Variants in IL17B observed in about 807,000 individuals in gnomAD.
The protein encoded by IL17B is interleukin-17B.
Under a neutral mutation model 14.7 loss-of-function variants are expected in IL17B, and 14 were observed. That is an observed-to-expected ratio of 0.95 (90% CI 0.63 to 1.49). The LOEUF (loss-of-function observed/expected upper bound fraction) is 1.49, where lower values mean the gene tolerates loss of function less well. Among genes scored for constraint, IL17B ranks in the 40% most tolerant of loss-of-function variants. The probability of loss-of-function intolerance (pLI) is 0.00; values close to 1 mark genes in which losing one functional copy is unlikely to be tolerated. For synonymous variants in IL17B, 105 were observed against 94.8 expected, an observed-to-expected ratio of 1.11 and a Z score of -0.62; for missense variants, 233 against 252.8, an observed-to-expected ratio of 0.92 and a Z score of 0.53.
rs560375487 is a variant in IL17B at position 149,395,339 on chromosome 5, T to C, written n.95+8769A>G. On this transcript the variant is annotated intron_variant and non_coding_transcript_variant, in intron 1 of 2. Coordinates refer to the IL17B transcript ENST00000505432. The stretch of plus-strand genomic sequence containing the variant: ...GCTGCAATGACACTGCAATGACACA[T>C]GCATGTGTCTTTATGGTAGAACTAT... 2.6e-5 allele frequency among the ~76,000 whole-genome samples: 4 copies of C among 152,354 alleles called. No homozygotes were observed. The South Asian group carries it at 6.2e-4, about 24-fold the overall frequency.
chr5:149,378,233 T>C (rs1758597877), intron 1 of IL17B, among the ~76,000 whole-genome samples: 1 of 152,140 alleles, frequency 6.6e-6, no homozygotes, highest in Admixed American at 6.5e-5. Context: ...GCTGGGGAGA[T>C]GGGCAAGTTA....
chr5:149,383,732 G>A (rs1186952844), upstream of IL17B, among the ~76,000 whole-genome samples: 1 of 152,240 alleles, frequency 6.6e-6, no homozygotes, highest in Non-Finnish European at 1.5e-5. Flanking sequence ...GGAAAGGCCT[G>A]GGTGAATGGG....
At chr5:149,375,626 C>T (rs1758508847) in intron 2 of IL17B, among the ~76,000 whole-genome samples, 1 of 152,322 alleles carries the variant, frequency 6.6e-6, no homozygotes, top group African/African-American at 2.4e-5. Flanking sequence ...GTGGCTTACG[C>T]CTGTAATCTC....
At chr5:149,396,984 G>T (rs13356431) in intron 1 of IL17B, among the ~76,000 whole-genome samples, 2 of 151,782 alleles carry the variant, frequency 1.3e-5, no homozygotes, top group African/African-American at 4.8e-5. Context: ...GGCAGGAGAG[G>T]GTTCTTGTAT....
upstream of IL17B, chr5:149,379,351 AGTGG>A (rs1758627455): frequency 8.8e-7 from 1 of 1,136,448 alleles, no homozygotes; most frequent in Non-Finnish European, 1.3e-6. Flanking sequence ...TGGGGGAGTG[AGTGG>A]GTGGGCTCGT....
chr5:149,398,535 G>A (rs1759142495), intron 1 of IL17B, among the ~76,000 whole-genome samples: 2 of 152,196 alleles, frequency 1.3e-5, no homozygotes, highest in Admixed American at 1.3e-4. Context: ...GACCCAGGCA[G>A]CACAATTCTT....
chr5:149,381,608 A>G (rs1466159262), upstream of IL17B, among the ~76,000 whole-genome samples: 1 of 152,220 alleles, frequency 6.6e-6, no homozygotes, highest in Non-Finnish European at 1.5e-5. Context: ...TGGGGGCCCC[A>G]GATCCTTCAC....
rs571356017 is a variant in IL17B at position 149,386,825 on chromosome 5, C to T, written n.96-9800G>A. 1.2e-4 allele frequency among the ~76,000 whole-genome samples: 18 copies of T among 152,268 alleles called. No homozygotes were observed. In the South Asian group the frequency reaches 3.1e-3, roughly 26 times the overall value. On this transcript the variant is annotated intron_variant and non_coding_transcript_variant, in intron 1 of 2. Coordinates refer to the IL17B transcript ENST00000505432. ...GGTTCAAGCGATTCTCATGCCTCAGCCTCCCAAGTAGCTGAGGTTACAGGC... is the reference window on the plus strand; with the variant it reads ...GGTTCAAGCGATTCTCATGCCTCAGTCTCCCAAGTAGCTGAGGTTACAGGC...
intron 1 of IL17B, 116 bp from the exon 2 acceptor site, chr5:149,377,141 C>T: frequency 1.3e-6 from 1 of 794,534 alleles, no homozygotes; most frequent in South Asian, 2.0e-5. Flanking sequence ...TCAGGTCTGA[C>T]TCTGCCTACC....
chr5:149,380,589 A>G (rs1758667403), upstream of IL17B, among the ~76,000 whole-genome samples: 2 of 152,144 alleles, frequency 1.3e-5, no homozygotes, highest in Admixed American at 1.3e-4. Context: ...CCTCTGGCCA[A>G]TGTCTCTCAC....
chr5:149,376,496 T>C (rs1758539476), intron 2 of IL17B, among the ~76,000 whole-genome samples: 1 of 152,228 alleles, frequency 6.6e-6, no homozygotes, highest in Non-Finnish European at 1.5e-5. Context: ...GTGCTCTGCA[T>C]GGATATCTCA....
At position 149,374,638 on chromosome 5, in the gene IL17B, TC is replaced by T; in HGVS notation, c.312-39del. On this transcript the variant is annotated intron_variant, in intron 2 of 2. Coordinates refer to ENST00000261796, the MANE Select transcript of IL17B (RefSeq NM_014443.3). The surrounding 1 kb of genome is among the most constrained non-coding windows in gnomAD (Gnocchi z 5.0). ...GAAGAAAGAGCAGAGCGGAAGGTGA[TC>T]AGGAAAGGGCCAGTCAGCACCCATA... The T allele has an allele frequency of 6.5e-7, 1 of 1,546,838 alleles. No individual in the cohort carries two copies. The highest frequency in any genetic ancestry group is 8.9e-7 in the Non-Finnish European group (1 of 1,127,368).
At chr5:149,388,846 A>G (rs1013977791) in intron 1 of IL17B, among the ~76,000 whole-genome samples, 1 of 152,284 alleles carries the variant, frequency 6.6e-6, no homozygotes, top group Non-Finnish European at 1.5e-5. Flanking sequence ...GCAGAGGTCA[A>G]AAATCAGGTT....
Position 149,374,420 on chromosome 5 carries a change from G to A in IL17B, c.492C>T (p.Arg164=). 1 of 1,605,330 alleles carries A rather than the reference G, an allele frequency of 6.2e-7. No homozygotes were observed. The highest frequency in any genetic ancestry group is 8.5e-7 in the Non-Finnish European group (1 of 1,177,924). ...CPPPPRTGPC[R]QRAVMETIAV... is the part of the protein sequence containing the mutation. ...CGATGGTCTCCATGACTGCGCGCTG[G>A]CGGCAAGGCCCTGTGCGGGGCGGTG... Residue 164 remains arginine, a synonymous_variant, in exon 3 of 3, where the codon CGC becomes CGT. Transcript: ENST00000261796. The surrounding 1 kb of genome is among the most constrained non-coding windows in gnomAD (Gnocchi z 5.0).
In IL17B at chr5:149,374,551, A is replaced by G. The variant is rs766478963; in HGVS notation, c.361T>C (p.Cys121Arg). 1 of 1,613,110 alleles carries G rather than the reference A, an allele frequency of 6.2e-7. No individual in the cohort carries two copies. The highest frequency in any genetic ancestry group is 1.1e-5 in the South Asian group (1 of 91,086). The stretch of plus-strand genomic sequence containing the variant: ...GGGTTCACACAGCCCAGACACAGGC[A>G]CCGTGCCTCCGGCAGGTCCACGGGG... ...RIPVDLPEAR[C>R]LCLGCVNPFT... The change falls in exon 3 of 3, where the codon TGC becomes CGC. Residue 121 changes from cysteine to arginine, a missense_variant. Transcript: ENST00000261796. This position sits in a 1 kb window ranked among gnomAD's most constrained non-coding sequence, Gnocchi z 5.0.
intron 1 of IL17B, among the ~76,000 whole-genome samples, chr5:149,399,822 C>T (rs1297638262): frequency 2.0e-5 from 3 of 152,144 alleles, no homozygotes; most frequent in African/African-American, 4.8e-5. Flanking sequence ...GCAAAATGAC[C>T]AGGGTTGGGT....
chr5:149,396,247 T>C (rs1759089877), intron 1 of IL17B, among the ~76,000 whole-genome samples: 1 of 152,254 alleles, frequency 6.6e-6, no homozygotes, highest in South Asian at 2.1e-4. Context: ...GATAAAGTGC[T>C]TCACTTTTTC....
At chr5:149,402,051 C>A (rs1373853154) in intron 1 of IL17B, among the ~76,000 whole-genome samples, 1 of 152,182 alleles carries the variant, frequency 6.6e-6, no homozygotes, top group African/African-American at 2.4e-5. Flanking sequence ...GCAGGAAGTC[C>A]AGCATGCAGC....
At chr5:149,376,576 A>G (rs564783319) in intron 2 of IL17B, among the ~76,000 whole-genome samples, 160 bp downstream of exon 2, 113 of 152,348 alleles carry the variant, frequency 7.4e-4, no homozygotes, top group African/African-American at 2.4e-3. Flanking sequence ...AGAAAGGCTA[A>G]TCCATTTGCC....
Sources: allele counts gnomAD v4.1 joint callset (sites outside exome capture counted in the v4.1 genomes callset), GRCh38; gene constraint gnomAD v4.1.1; non-coding constraint Gnocchi (gnomAD v3.1); transcripts MANE v1.5; gene names NCBI Gene and HGNC (gene_info 2026-07-23, HGNC 2026-07-21).